Variants in TCF7L1 observed in about 807,000 individuals in gnomAD.
The protein encoded by TCF7L1 is transcription factor 7-like 1.
Under a neutral mutation model 63.7 loss-of-function variants are expected in TCF7L1, and 18 were observed. The observed-to-expected ratio is 0.28, with a 90% CI of 0.20 to 0.42. TCF7L1 has a LOEUF of 0.42. TCF7L1 is among the 10% of genes least tolerant of loss of function. The pLI is 1.00. For synonymous variants in TCF7L1, 355 were observed against 340.9 expected, an observed-to-expected ratio of 1.04 and a Z score of -0.46; for missense variants, 654 against 779.3, an observed-to-expected ratio of 0.84 and a Z score of 1.91.
intron 3 of TCF7L1, among the ~76,000 whole-genome samples, chr2:85,281,323 CT>C (rs1681413701): frequency 6.6e-6 from 1 of 152,138 alleles, no homozygotes; most frequent in Admixed American, 6.5e-5. Context: ...TGCGCCCGGC[CT>C]AGCTCCTTTT....
At chr2:85,221,103 G>C (rs1378344417) in intron 3 of TCF7L1, among the ~76,000 whole-genome samples, 1 of 152,056 alleles carries the variant, frequency 6.6e-6, no homozygotes, top group African/African-American at 2.4e-5. Flanking sequence ...TGAGTAAGAC[G>C]GAAAAGATGA....
intron 3 of TCF7L1, chr2:85,187,058 C>T (rs1050690052): frequency 6.6e-6 from 1 of 152,220 alleles, no homozygotes; most frequent in Non-Finnish European, 1.5e-5. Flanking sequence ...GCACCAGATA[C>T]ACATTTTGGA....
At chr2:85,182,622 A>G (rs1678830631) in intron 3 of TCF7L1, among the ~76,000 whole-genome samples, 1 of 152,198 alleles carries the variant, frequency 6.6e-6, no homozygotes, top group Non-Finnish European at 1.5e-5. Context: ...TGGCCCTCTG[A>G]GTAGACTGGA....
At chr2:85,202,788 T>C (rs570544778) in intron 3 of TCF7L1, among the ~76,000 whole-genome samples, 7 of 152,246 alleles carry the variant, frequency 4.6e-5, no homozygotes, top group Non-Finnish European at 8.8e-5. Context: ...AATTGAGAGA[T>C]AAACACTGAC....
intron 3 of TCF7L1, among the ~76,000 whole-genome samples, chr2:85,281,549 T>C (rs552744667): frequency 6.6e-6 from 1 of 152,186 alleles, no homozygotes; most frequent in South Asian, 2.1e-4. Context: ...GTGTGTGGGC[T>C]CTGGGTAGGG....
In TCF7L1 at chr2:85,144,705, TTC is replaced by T. The variant is rs59431131; in HGVS notation, c.441+10269_441+10270del. Among the ~76,000 whole-genome samples the T allele has an allele frequency of 1.1e-3, 168 of 146,326 alleles. 1 individual carries two copies. The highest frequency in any genetic ancestry group is 3.2e-3 in the African/African-American group (125 of 39,384). On this transcript the variant is annotated intron_variant, in intron 3 of 11. Coordinates refer to ENST00000282111, the MANE Select transcript of TCF7L1 (RefSeq NM_031283.3). ...TATTTGTCTTCTTTCCCATCCCCCTTTCTCTCTCTCTCTCTGTGTGTGTGTGT... is the reference window on the plus strand; with the variant it reads ...TATTTGTCTTCTTTCCCATCCCCCTTTCTCTCTCTCTCTGTGTGTGTGTGT...
intron 4 of TCF7L1, among the ~76,000 whole-genome samples, chr2:85,298,214 C>T (rs759025423): frequency 1.8e-5 from 1 of 56,702 alleles, no homozygotes; most frequent in Non-Finnish European, 3.1e-5. Context: ...AAAGTGCAGG[C>T]CGGGCGCGGT....
At chr2:85,221,458 G>C (rs138136017) in intron 3 of TCF7L1, among the ~76,000 whole-genome samples, 107 of 152,298 alleles carry the variant, frequency 7.0e-4, no homozygotes, top group Admixed American at 2.2e-3. Flanking sequence ...TATTTACTTG[G>C]CTCACAGTTA....
At position 85,133,712 on chromosome 2, in the gene TCF7L1, G is replaced by A; in HGVS notation, c.28G>A (p.Gly10Ser). 8.9e-7 allele frequency: 1 copy of A among 1,117,662 alleles called. No individual in the cohort carries two copies. The highest frequency in any genetic ancestry group is 1.1e-6 in the Non-Finnish European group (1 of 915,586). The allele number at this position is 1,117,662 out of a possible 1,614,324, so 69.2% of individuals were successfully genotyped here. A position where few individuals can be genotyped will look rare whatever the true frequency, so the allele number is the denominator to read the frequency against. ...GCCCCAGCTCGGCGGCGGGGGCGGC[G>A]GCGGCGGCGGCGGCAGCGGGGGAGG... MPQLGGGGGGGGGGSGGGGG... is the reference protein window; with the variant it reads MPQLGGGGGSGGGGSGGGGG... Residue 10 changes from glycine to serine, a missense_variant, in exon 1 of 12, where the codon GGC becomes AGC. Coordinates refer to ENST00000282111, the MANE Select transcript of TCF7L1 (RefSeq NM_031283.3). The surrounding 1 kb of genome is among the most constrained non-coding windows in gnomAD (Gnocchi z 4.4).
intron 3 of TCF7L1, among the ~76,000 whole-genome samples, chr2:85,279,089 C>G (rs1681354171): frequency 6.6e-6 from 1 of 152,230 alleles, no homozygotes; most frequent in East Asian, 1.9e-4. Flanking sequence ...CCTTGCAGAG[C>G]CAGTTAAATG....
chr2:85,236,485 T>C (rs1046123144), intron 3 of TCF7L1, among the ~76,000 whole-genome samples: 1 of 152,088 alleles, frequency 6.6e-6, no homozygotes, highest in Non-Finnish European at 1.5e-5. Context: ...CTGGATGCAA[T>C]TGTGTGAACC....
intron 3 of TCF7L1, among the ~76,000 whole-genome samples, chr2:85,158,312 G>A (rs1678197916): frequency 6.6e-6 from 1 of 152,182 alleles, no homozygotes. Context: ...AGGAGACCCA[G>A]TCCCCTCTGG....
chr2:85,212,620 G>A (rs1208180265), intron 3 of TCF7L1, among the ~76,000 whole-genome samples: 1 of 152,172 alleles, frequency 6.6e-6, no homozygotes, highest in African/African-American at 2.4e-5. Context: ...GACAGCAAGA[G>A]TAAAAGCGCA....
chr2:85,235,418 C>T (rs917509556), intron 3 of TCF7L1, among the ~76,000 whole-genome samples: 1 of 151,482 alleles, frequency 6.6e-6, no homozygotes, highest in African/African-American at 2.4e-5. Context: ...GGTTTATCAC[C>T]ACCCTCTGGG....
intron 3 of TCF7L1, among the ~76,000 whole-genome samples, chr2:85,275,936 A>AAT (rs2104360811): frequency 6.6e-6 from 1 of 151,870 alleles, no homozygotes; most frequent in Admixed American, 6.6e-5. Flanking sequence ...AAAAAAAAAA[A>AAT]ATACCTCAAG....
intron 3 of TCF7L1, among the ~76,000 whole-genome samples, chr2:85,235,085 G>A (rs1489032837): frequency 1.3e-5 from 2 of 152,242 alleles, no homozygotes; most frequent in Admixed American, 1.3e-4. Context: ...AAGAGGCTCT[G>A]TGTGCTGGAT....
chr2:85,134,038 T>C lies in TCF7L1; in HGVS notation c.272T>C (p.Val91Ala), dbSNP rs544262877. Reference sequence around the variant, plus strand: ...CAGGCGGAGAGGCGCCCGCAGCCCGTCCGGGACACTTTCCAGAAGCCGCGG... The same window carrying C: ...CAGGCGGAGAGGCGCCCGCAGCCCGCCCGGGACACTTTCCAGAAGCCGCGG... ...DSEAERRPQP[V>A]RDTFQKPRDY... The change falls in exon 2 of 12, where the codon GTC (valine) becomes GCC (alanine). Residue 91 changes from valine to alanine, a missense_variant. Val to Ala is a moderately conservative substitution (Grantham distance 64). Transcript: ENST00000282111. This position sits in a 1 kb window ranked among gnomAD's most constrained non-coding sequence, Gnocchi z 5.0. 4.3e-6 allele frequency: 7 copies of C among 1,611,024 alleles called. No homozygotes were observed. In the African/African-American group the frequency reaches 5.4e-5, roughly 12 times the overall value.
chr2:85,272,031 C>T (rs1463245190), intron 3 of TCF7L1, among the ~76,000 whole-genome samples: 1 of 152,176 alleles, frequency 6.6e-6, no homozygotes, highest in Non-Finnish European at 1.5e-5. Context: ...GGTTTGCAGC[C>T]CACTACCACC....
chr2:85,179,125 C>T (rs1200480653), intron 3 of TCF7L1, among the ~76,000 whole-genome samples: 2 of 152,156 alleles, frequency 1.3e-5, no homozygotes, highest in East Asian at 3.9e-4. Context: ...TGCTCCTAAA[C>T]AGCAAAAAGA....
Sources: gnomAD v4.1 joint callset for allele counts (sites outside exome capture counted in the v4.1 genomes callset) on GRCh38, gnomAD v4.1.1 for gene constraint, Gnocchi (gnomAD v3.1) non-coding constraint, MANE v1.5 for transcripts, NCBI Gene and HGNC (gene_info 2026-07-23, HGNC 2026-07-21) for gene names.